The following SWT1 variants were observed in gnomAD, a reference collection of about 807,000 sequenced individuals.
SWT1 encodes transcriptional protein SWT1.
Under a neutral mutation model 107.3 loss-of-function variants are expected in SWT1, and 33 were observed. The ratio of observed to expected loss-of-function variants is 0.31; its 90% CI spans 0.23 to 0.41. SWT1 has a LOEUF of 0.41. Among genes scored for constraint, SWT1 ranks in the 10% least tolerant of loss-of-function variants. The pLI, the probability that SWT1 is intolerant of heterozygous loss-of-function variation, is 1.00. For missense variants in SWT1, 898 were observed against 1,028.9 expected (o/e 0.87, Z 1.74); for synonymous variants, 345 against 348.3 (o/e 0.99, Z 0.11).
intron 10 of SWT1, among the ~76,000 whole-genome samples, chr1:185,201,409 C>T (rs1026987065): frequency 2.6e-5 from 4 of 152,282 alleles, no homozygotes; most frequent in Middle Eastern, 3.4e-3. Context: ...TCCTGGTCTG[C>T]GGGTTGTGAA....
intron 4 of SWT1, among the ~76,000 whole-genome samples, chr1:185,173,738 G>C (rs115259516): frequency 6.6e-6 from 1 of 151,356 alleles, no homozygotes; most frequent in East Asian, 1.9e-4. Context: ...CGGATAGGCC[G>C]GGGTACAGTG....
At chr1:185,197,977 T>C (rs1477711959) in intron 10 of SWT1, among the ~76,000 whole-genome samples, 2 of 152,218 alleles carry the variant, frequency 1.3e-5, no homozygotes, top group East Asian at 1.9e-4. Flanking sequence ...TTTCTTCTGC[T>C]AGCTTTTGAA....
At chr1:185,284,889 CTT>C (rs111492496) in intron 18 of SWT1, among the ~76,000 whole-genome samples, 9 of 141,998 alleles carry the variant, frequency 6.3e-5, no homozygotes, top group East Asian at 2.0e-4. Context: ...AGATAAGTGT[CTT>C]TTTTTTTTTT....
At chr1:185,271,664 A>T (rs527468896) in intron 17 of SWT1, among the ~76,000 whole-genome samples, 33 of 152,298 alleles carry the variant, frequency 2.2e-4, no homozygotes, top group Non-Finnish European at 3.7e-4. Flanking sequence ...GCTATCTCAC[A>T]GTTAACCCTT....
At chr1:185,246,623 CTTT>C (rs375322237) in intron 16 of SWT1, among the ~76,000 whole-genome samples, 14 of 96,480 alleles carry the variant, frequency 1.5e-4, no homozygotes, top group Admixed American at 3.6e-4. Flanking sequence ...TTTTGGAGAG[CTTT>C]TTTTTTTTTT....
At chr1:185,251,827 G>T (rs1287073027) in intron 16 of SWT1, among the ~76,000 whole-genome samples, 2 of 151,248 alleles carry the variant, frequency 1.3e-5, no homozygotes, top group East Asian at 1.9e-4. Context: ...AAATTTTAGG[G>T]TACATGTGCA....
intron 18 of SWT1, among the ~76,000 whole-genome samples, chr1:185,284,107 G>A (rs928150652): frequency 6.6e-6 from 1 of 152,104 alleles, no homozygotes; most frequent in African/African-American, 2.4e-5. Flanking sequence ...GACAACACTT[G>A]TTATTTTCCC....
intron 11 of SWT1, among the ~76,000 whole-genome samples, 172 bp from the exon 12 acceptor site, chr1:185,204,528 C>T (rs1188085803): frequency 1.3e-5 from 2 of 151,720 alleles, no homozygotes; most frequent in Non-Finnish European, 2.9e-5. Flanking sequence ...TCTAAAGCAA[C>T]TATAATAGAG....
At chr1:185,160,020 C>T (rs1654005794) in intron 1 of SWT1, among the ~76,000 whole-genome samples, 1 of 152,102 alleles carries the variant, frequency 6.6e-6, no homozygotes, top group Admixed American at 6.5e-5. Context: ...GGTGCCCAGC[C>T]ACAAGATATA....
chr1:185,161,256 A>G (rs1014612682), intron 2 of SWT1, among the ~76,000 whole-genome samples: 1 of 152,182 alleles, frequency 6.6e-6, no homozygotes, highest in African/African-American at 2.4e-5. Flanking sequence ...CTCAACATTG[A>G]ACCATTTTCC....
intron 18 of SWT1, among the ~76,000 whole-genome samples, chr1:185,277,687 C>G (rs1664337503): frequency 6.6e-6 from 1 of 152,190 alleles, no homozygotes; most frequent in Non-Finnish European, 1.5e-5. Flanking sequence ...ACCATGTTTT[C>G]AAGAACAACT....
chr1:185,179,471 G>A (rs1176610972), intron 5 of SWT1, among the ~76,000 whole-genome samples: 1 of 152,152 alleles, frequency 6.6e-6, no homozygotes, highest in Non-Finnish European at 1.5e-5. Context: ...AATTTGGAGG[G>A]AGATTTTCAG....
rs1278073272 is a variant in SWT1 at position 185,188,368 on chromosome 1, C to T, written c.1430-2181C>T. Among the ~76,000 whole-genome samples, 3 of 152,304 alleles carry T rather than the reference C, an allele frequency of 2.0e-5. No individual in the cohort carries two copies. The East Asian group carries it at 5.8e-4, about 29-fold the overall frequency. On this transcript the variant is annotated intron_variant, in intron 9 of 18. Transcript: ENST00000367500. ...TTACTTTTAAGCCTCCTTTTATCTG[C>T]TGAATTGAATTGTTTAAAGTTAACT...
chr1:185,176,110 C>G (rs938053345), intron 5 of SWT1, among the ~76,000 whole-genome samples: 1 of 151,674 alleles, frequency 6.6e-6, no homozygotes, highest in Non-Finnish European at 1.5e-5. Context: ...GGCAACATAC[C>G]GAGACGGGTC....
At chr1:185,182,991 G>T (rs1484890405) in intron 7 of SWT1, among the ~76,000 whole-genome samples, 1 of 151,814 alleles carries the variant, frequency 6.6e-6, no homozygotes, top group Non-Finnish European at 1.5e-5. Context: ...CGAAAAATTA[G>T]CTGGGCATGG....
chr1:185,218,553 C>G (rs901532266), intron 14 of SWT1, among the ~76,000 whole-genome samples: 1 of 152,150 alleles, frequency 6.6e-6, no homozygotes, highest in Non-Finnish European at 1.5e-5. Flanking sequence ...TCAAGCAATC[C>G]TCCCGCCACA....
intron 16 of SWT1, among the ~76,000 whole-genome samples, chr1:185,239,680 A>G (rs1483765341): frequency 6.6e-6 from 1 of 152,050 alleles, no homozygotes; most frequent in Non-Finnish European, 1.5e-5. Context: ...TCTAACCACT[A>G]GATAGCCAAG....
intron 10 of SWT1, among the ~76,000 whole-genome samples, chr1:185,200,038 G>C (rs1657736046): frequency 6.6e-6 from 1 of 151,536 alleles, no homozygotes; most frequent in South Asian, 2.1e-4. Flanking sequence ...GATCGGTTTG[G>C]CTGTTAATAC....
chr1:185,230,183 C>T (rs930729275), intron 15 of SWT1, among the ~76,000 whole-genome samples: 1 of 152,118 alleles, frequency 6.6e-6, no homozygotes, highest in Non-Finnish European at 1.5e-5. Flanking sequence ...TAAAGTCTAC[C>T]GTAGTCAACA....
Sources: allele counts gnomAD v4.1 joint callset (sites outside exome capture counted in the v4.1 genomes callset), GRCh38; gene constraint gnomAD v4.1.1; transcripts MANE v1.5; gene names NCBI Gene and HGNC (gene_info 2026-07-23, HGNC 2026-07-21).